Variants in NCKAP5 observed in about 807,000 individuals in gnomAD.
The protein encoded by NCKAP5 is NCK associated protein 5, also known as nck-associated protein 5.
Under a neutral mutation model 167.0 loss-of-function variants are expected in NCKAP5, and 92 were observed. That is an observed-to-expected ratio of 0.55 (90% confidence interval 0.47 to 0.66). The LOEUF (loss-of-function observed/expected upper bound fraction) is 0.66, where lower values mean the gene tolerates loss of function less well. NCKAP5 is among the 30% of genes least tolerant of loss of function. The pLI, the probability that NCKAP5 is intolerant of heterozygous loss-of-function variation, is 0.00. For synonymous variants in NCKAP5, 891 were observed against 877.4 expected (o/e 1.02, Z -0.27); for missense variants, 2,378 against 2,315.0 (o/e 1.03, Z -0.56).
At chr2:132,696,177 C>T (rs1687290711) in intron 19 of NCKAP5, among the ~76,000 whole-genome samples, 1 of 152,188 alleles carries the variant, frequency 6.6e-6, no homozygotes, top group Admixed American at 6.5e-5. Context: ...AAAATGATGC[C>T]ATGATGACTC....
intron 7 of NCKAP5, among the ~76,000 whole-genome samples, chr2:132,992,098 T>C (rs1302031314): frequency 1.3e-5 from 2 of 152,144 alleles, no homozygotes; most frequent in Non-Finnish European, 2.9e-5. Flanking sequence ...CAGTGACCTT[T>C]ACAGTTCATG....
chr2:133,185,054 G>A (rs1292471099), intron 5 of NCKAP5, among the ~76,000 whole-genome samples: 2 of 152,038 alleles, frequency 1.3e-5, no homozygotes, highest in African/African-American at 2.4e-5. Context: ...ATCTACAAGA[G>A]TATTTGCTAG....
intron 3 of NCKAP5, among the ~76,000 whole-genome samples, chr2:133,334,950 A>C (rs1273479364): frequency 2.0e-5 from 3 of 152,218 alleles, no homozygotes; most frequent in Admixed American, 1.3e-4. Context: ...ATAGAAAGCC[A>C]AACTCAGGTC....
intron 3 of NCKAP5, among the ~76,000 whole-genome samples, chr2:133,337,926 A>C (rs551291014): frequency 3.3e-5 from 5 of 152,338 alleles, no homozygotes; most frequent in East Asian, 1.9e-4. Context: ...ATGTTTAAAC[A>C]ATTTTGCCCC....
intron 3 of NCKAP5, among the ~76,000 whole-genome samples, chr2:133,364,106 T>C (rs1685299941): frequency 1.3e-5 from 2 of 152,180 alleles, no homozygotes; most frequent in Admixed American, 6.6e-5. Flanking sequence ...TCATCATTAT[T>C]ATTCCATCTT....
chr2:133,291,247 T>C (rs117925066), intron 4 of NCKAP5, among the ~76,000 whole-genome samples: 1 of 152,176 alleles, frequency 6.6e-6, no homozygotes, highest in African/African-American at 2.4e-5. Context: ...AGGTTAAAGA[T>C]GTGAAACATA....
At chr2:133,145,365 A>C (rs2083153600) in intron 5 of NCKAP5, among the ~76,000 whole-genome samples, 1 of 152,038 alleles carries the variant, frequency 6.6e-6, no homozygotes, top group South Asian at 2.1e-4. Context: ...GAGGAGGGAG[A>C]GCATTAGGAC....
intron 16 of NCKAP5, among the ~76,000 whole-genome samples, chr2:132,755,854 A>AAATAATAATAATAATAATAATAATAAT (rs56967710): frequency 7.0e-6 from 1 of 143,818 alleles, no homozygotes; most frequent in African/African-American, 2.6e-5. Context: ...CTAAATGGCA[A>AAATAATAATAATAATAATAATAATAAT]AATAATAATA....
intron 4 of NCKAP5, among the ~76,000 whole-genome samples, chr2:133,279,272 C>T (rs1425505018): frequency 6.6e-6 from 1 of 152,180 alleles, no homozygotes; most frequent in East Asian, 1.9e-4. Context: ...TCCTTGGTCA[C>T]TATATATCCA....
rs1553472635 is a variant in NCKAP5 at position 132,692,154 on chromosome 2, A to ATTTTATTTTATTTTATTTTT, written c.5714-18850_5714-18849insAAAAATAAAATAAAATAAAA. Among the ~76,000 whole-genome samples, 302 of 141,848 alleles carry ATTTTATTTTATTTTATTTTT rather than the reference A, an allele frequency of 2.1e-3. 3 individuals carry two copies. The highest frequency in any genetic ancestry group is 7.2e-3 in the African/African-American group (252 of 35,166). The allele number at this position is 141,848 out of a possible 152,430, so 93.1% of individuals were successfully genotyped here. On this transcript the variant is annotated intron_variant, in intron 19 of 19. Coordinates refer to ENST00000409261, the MANE Select transcript of NCKAP5 (RefSeq NM_207363.3). The stretch of plus-strand genomic sequence containing the variant: ...ATTTTATTTTATTTTATTTTATTTT[A>ATTTTATTTTATTTTATTTTT]TTTTTTGAGACAGAGTCTCACTCTA...
At chr2:133,167,040 T>A (rs1203889224) in intron 5 of NCKAP5, among the ~76,000 whole-genome samples, 1 of 152,170 alleles carries the variant, frequency 6.6e-6, no homozygotes, top group Non-Finnish European at 1.5e-5. Flanking sequence ...CCAGCAACTT[T>A]CAGGTCTTAA....
At chr2:133,471,804 C>G (rs1326203523) in intron 3 of NCKAP5, among the ~76,000 whole-genome samples, 2 of 152,214 alleles carry the variant, frequency 1.3e-5, no homozygotes, top group Non-Finnish European at 2.9e-5. Flanking sequence ...CTCACCTCAT[C>G]AGGGCTACCA....
intron 3 of NCKAP5, among the ~76,000 whole-genome samples, chr2:133,313,198 G>A (rs1029496134): frequency 3.3e-5 from 5 of 152,146 alleles, no homozygotes; most frequent in Admixed American, 2.6e-4. Context: ...AATTTGTAGT[G>A]TGTGCTGGGG....
chr2:133,066,691 A>G (rs975944477), intron 6 of NCKAP5, among the ~76,000 whole-genome samples: 1 of 152,224 alleles, frequency 6.6e-6, no homozygotes, highest in Admixed American at 6.5e-5. Flanking sequence ...GTCCTACTTT[A>G]TATTTATTTT....
the NCKAP5 span, among the ~76,000 whole-genome samples, chr2:133,656,867 T>A: frequency 6.6e-6 from 1 of 151,924 alleles, no homozygotes; most frequent in Non-Finnish European, 1.5e-5. Context: ...TTGGGGCACA[T>A]ATCACCCAAG....
intron 3 of NCKAP5, among the ~76,000 whole-genome samples, chr2:133,350,168 T>C (rs1033376470): frequency 1.3e-5 from 2 of 152,126 alleles, no homozygotes; most frequent in African/African-American, 2.4e-5. Flanking sequence ...TTCCAGAACT[T>C]TGGGAGCCTG....
At chr2:133,295,678 T>C (rs1016291361) in intron 4 of NCKAP5, among the ~76,000 whole-genome samples, 16 of 152,152 alleles carry the variant, frequency 1.1e-4, no homozygotes, top group African/African-American at 3.9e-4. Flanking sequence ...AACTGAGGGA[T>C]ACTACTGGCA....
At chr2:133,618,148 T>A in the NCKAP5 span, among the ~76,000 whole-genome samples, 1 of 151,698 alleles carries the variant, frequency 6.6e-6, no homozygotes, top group African/African-American at 2.4e-5. Context: ...TATACAAAAA[T>A]CAATTCAAGA....
At chr2:133,227,270 C>T (rs2086937104) in intron 4 of NCKAP5, among the ~76,000 whole-genome samples, 1 of 152,218 alleles carries the variant, frequency 6.6e-6, no homozygotes, top group Admixed American at 6.5e-5. Context: ...TAAACATCCA[C>T]AGGCACACAT....
Sources: allele counts gnomAD v4.1 joint callset (sites outside exome capture counted in the v4.1 genomes callset), GRCh38; gene constraint gnomAD v4.1.1; transcripts MANE v1.5; gene names NCBI Gene and HGNC (gene_info 2026-07-23, HGNC 2026-07-21).